Variants in SNX3 observed in about 807,000 individuals in gnomAD.
The protein encoded by SNX3 is sorting nexin-3.
Under a neutral mutation model 17.7 loss-of-function variants are expected in SNX3, and 5 were observed. The observed-to-expected ratio is 0.28, with a 90% CI of 0.15 to 0.59. The LOEUF (loss-of-function observed/expected upper bound fraction) is 0.59, where lower values mean the gene tolerates loss of function less well. Ranked by LOEUF, SNX3 falls within the 20% of genes least tolerant of loss-of-function variation. The pLI is 0.88. For synonymous variants in SNX3, 91 were observed against 76.5 expected (o/e 1.19, Z -0.99); for missense variants, 132 against 206.8 (o/e 0.64, Z 2.22).
intron 1 of SNX3, among the ~76,000 whole-genome samples, chr6:108,238,815 A>G (rs1340638116): frequency 1.3e-5 from 2 of 152,018 alleles, no homozygotes; most frequent in African/African-American, 2.4e-5. Flanking sequence ...GGGTGGGGGG[A>G]AAATGCAAAC....
intron 1 of SNX3, among the ~76,000 whole-genome samples, chr6:108,231,046 A>G (rs1205581028): frequency 6.6e-6 from 1 of 152,122 alleles, no homozygotes; most frequent in Non-Finnish European, 1.5e-5. Flanking sequence ...GGTGGAGCAC[A>G]GAGGCAACAT....
chr6:108,244,153 C>CA (rs1248391785), intron 1 of SNX3, among the ~76,000 whole-genome samples: 1 of 151,182 alleles, frequency 6.6e-6, no homozygotes. Flanking sequence ...TTCTCCCCCG[C>CA]TTTTTTTTTC....
intron 1 of SNX3, among the ~76,000 whole-genome samples, chr6:108,249,361 G>A (rs1265358605): frequency 6.6e-6 from 1 of 152,178 alleles, no homozygotes; most frequent in East Asian, 1.9e-4. Context: ...AGTGGAGGTT[G>A]CAGTGAGCCG....
chr6:108,234,139 A>G (rs1173623409), intron 1 of SNX3, among the ~76,000 whole-genome samples: 3 of 152,120 alleles, frequency 2.0e-5, no homozygotes. Context: ...TACATGTAGC[A>G]TTTACAGCCG....
In SNX3 at chr6:108,250,383, T is replaced by C. The variant is rs75093658; in HGVS notation, c.162+10377A>G. Reference sequence around the variant, plus strand: ...ATAGAGTAAAAGTGGTCTTAGATAATATGGGAAGAAATGGGTATGCTGTGT... The same window carrying C: ...ATAGAGTAAAAGTGGTCTTAGATAACATGGGAAGAAATGGGTATGCTGTGT... On this transcript the variant is annotated intron_variant, in intron 1 of 3. Coordinates refer to ENST00000230085, the MANE Select transcript of SNX3 (RefSeq NM_003795.6). Among the ~76,000 whole-genome samples, 579 of 152,274 alleles carry C rather than the reference T, an allele frequency of 3.8e-3. 6 individuals are homozygous for C. Among genetic ancestry groups the C allele is most frequent in the African/African-American group, 0.013 (556 of 41,538 alleles).
intron 1 of SNX3, among the ~76,000 whole-genome samples, chr6:108,234,254 T>TATATATATATAA (rs1029486948): frequency 1.3e-5 from 2 of 151,476 alleles, no homozygotes; most frequent in African/African-American, 4.9e-5. Flanking sequence ...TATATATATA[T>TATATATATATAA]AACATATACA....
intron 1 of SNX3, among the ~76,000 whole-genome samples, chr6:108,243,063 T>A (rs561192928): frequency 2.1e-4 from 32 of 152,342 alleles, no homozygotes; most frequent in African/African-American, 7.2e-4. Flanking sequence ...GTGGTGTTTT[T>A]AAAATAATTT....
At chr6:108,235,758 T>C (rs948661349) in intron 1 of SNX3, among the ~76,000 whole-genome samples, 1 of 152,092 alleles carries the variant, frequency 6.6e-6, no homozygotes, top group Non-Finnish European at 1.5e-5. Flanking sequence ...TAGCCGGGCA[T>C]GGTGGTGCAT....
chr6:108,253,246 T>A (rs1342783947), intron 1 of SNX3, among the ~76,000 whole-genome samples: 2 of 152,194 alleles, frequency 1.3e-5, no homozygotes, highest in African/African-American at 4.8e-5. Flanking sequence ...ATTCCTTTTT[T>A]GAGGCATGCT....
At chr6:108,239,268 C>G (rs1027389068) in intron 1 of SNX3, among the ~76,000 whole-genome samples, 1 of 151,966 alleles carries the variant, frequency 6.6e-6, no homozygotes, top group African/African-American at 2.4e-5. Flanking sequence ...GACCCGGGTT[C>G]GACTCCTCTT....
At chr6:108,212,300 G>T (rs1582463213) in intron 3 of SNX3, 46 bp from the exon 4 acceptor site, 1 of 1,314,090 alleles carries the variant, frequency 7.6e-7, no homozygotes, top group Non-Finnish European at 1.1e-6. Context: ...TATACAAGGT[G>T]GGGGAGTTCA....
At chr6:108,222,906 C>G (rs772298864) in intron 2 of SNX3, 44 bp downstream of exon 2, 1 of 1,101,908 alleles carries the variant, frequency 9.1e-7, no homozygotes, top group Non-Finnish European at 1.4e-6. Context: ...AACATTAAAA[C>G]TTGGAATGTT....
chr6:108,220,906 C>G (rs971266487), intron 2 of SNX3, among the ~76,000 whole-genome samples: 2 of 151,522 alleles, frequency 1.3e-5, no homozygotes, highest in Non-Finnish European at 2.9e-5. Flanking sequence ...GCTTGAACCC[C>G]GGAGATGGAG....
chr6:108,244,349 C>A (rs920915981), intron 1 of SNX3, among the ~76,000 whole-genome samples: 2 of 152,130 alleles, frequency 1.3e-5, no homozygotes, highest in African/African-American at 4.8e-5. Context: ...AGAGGAGGGT[C>A]TCACTATGTT....
At chr6:108,221,531 ACTTT>A (rs1562421618) in intron 2 of SNX3, among the ~76,000 whole-genome samples, 1 of 78,448 alleles carries the variant, frequency 1.3e-5, no homozygotes, top group African/African-American at 3.6e-5. Flanking sequence ...ACAGTATTAC[ACTTT>A]TTTTTTTTTT....
At chr6:108,222,132 A>G in intron 2 of SNX3, 2 of 1,095,882 alleles carry the variant, frequency 1.8e-6, no homozygotes, top group Admixed American at 3.3e-5. Flanking sequence ...CTTAGGCTAG[A>G]AACAGAAAAA....
intron 1 of SNX3, 44 bp from the exon 2 acceptor site, chr6:108,223,089 A>C (rs1774854289): frequency 9.5e-7 from 1 of 1,051,028 alleles, no homozygotes; most frequent in African/African-American, 1.6e-5. Flanking sequence ...ACATTAAGGA[A>C]ACTTCAAAAA....
chr6:108,248,431 C>T (rs1281692899), intron 1 of SNX3, among the ~76,000 whole-genome samples: 1 of 152,186 alleles, frequency 6.6e-6, no homozygotes, highest in African/African-American at 2.4e-5. Flanking sequence ...AATGCAGTAA[C>T]ATGTGTTATT....
Position 108,256,289 on chromosome 6 carries a change from T to G in SNX3, c.162+4471A>C, listed in dbSNP as rs1203727293. On this transcript the variant is annotated intron_variant, in intron 1 of 3. Coordinates refer to ENST00000230085, the MANE Select transcript of SNX3 (RefSeq NM_003795.6). ...TTAAGTACCAAATAAGATAGCTTAT[T>G]TTTATACCATGCTTGCTTAATGAAG... Among the ~76,000 whole-genome samples, 6 of 152,178 alleles carry G rather than the reference T, an allele frequency of 3.9e-5. No homozygotes were observed. The East Asian group carries it at 1.2e-3, about 29-fold the overall frequency.
Sources: gnomAD v4.1 joint callset for allele counts (sites outside exome capture counted in the v4.1 genomes callset) on GRCh38, gnomAD v4.1.1 for gene constraint, MANE v1.5 for transcripts, NCBI Gene and HGNC (gene_info 2026-07-23, HGNC 2026-07-21) for gene names.